Variants in MBOAT1 observed in about 807,000 individuals in gnomAD.
The protein encoded by MBOAT1 is membrane-bound glycerophospholipid O-acyltransferase 1.
MBOAT1 carries 67 observed loss-of-function variants against 64.4 expected under a neutral mutation model. The ratio of observed to expected loss-of-function variants is 1.04; its 90% CI spans 0.85 to 1.27. The LOEUF (loss-of-function observed/expected upper bound fraction) is 1.27, where lower values mean the gene tolerates loss of function less well. MBOAT1 is among the 50% of genes most tolerant of loss of function. The pLI, the probability that MBOAT1 is intolerant of heterozygous loss-of-function variation, is 0.00. For synonymous variants in MBOAT1, 229 were observed against 218.9 expected (o/e 1.05, Z -0.41); for missense variants, 563 against 604.6 (o/e 0.93, Z 0.72).
chr6:20,156,776 A>T (rs2113702971), intron 1 of MBOAT1, among the ~76,000 whole-genome samples: 1 of 152,278 alleles, frequency 6.6e-6, no homozygotes, highest in South Asian at 2.1e-4. Context: ...TGATTTTTGC[A>T]CATTGATTTT....
intron 1 of MBOAT1, among the ~76,000 whole-genome samples, chr6:20,204,594 C>T (rs551845470): frequency 8.5e-5 from 13 of 152,088 alleles, no homozygotes; most frequent in Admixed American, 1.3e-4. Flanking sequence ...AGAGGGAAGA[C>T]GAGGAGAGGA....
chr6:20,121,233 T>C (rs1760483907), intron 8 of MBOAT1, among the ~76,000 whole-genome samples: 2 of 152,236 alleles, frequency 1.3e-5, no homozygotes, highest in South Asian at 4.1e-4. Context: ...ACATCAATTA[T>C]ATGTAAATGG....
chr6:20,178,705 T>A (rs182159925), intron 1 of MBOAT1, among the ~76,000 whole-genome samples: 3 of 152,250 alleles, frequency 2.0e-5, no homozygotes, highest in Admixed American at 1.3e-4. Context: ...ATACTTCAAG[T>A]ACACCTGGAG....
intron 5 of MBOAT1, among the ~76,000 whole-genome samples, chr6:20,129,807 G>A (rs939689270): frequency 1.1e-4 from 16 of 152,160 alleles, no homozygotes; most frequent in African/African-American, 3.9e-4. Context: ...CTACCAAGGG[G>A]ACTTTCCAGC....
intron 1 of MBOAT1, among the ~76,000 whole-genome samples, chr6:20,205,255 G>A (rs1221675273): frequency 6.6e-6 from 1 of 152,074 alleles, no homozygotes; most frequent in Non-Finnish European, 1.5e-5. Flanking sequence ...GAAATTTAGG[G>A]AAAGAAGGAA....
intron 1 of MBOAT1, among the ~76,000 whole-genome samples, chr6:20,176,554 A>T (rs908645102): frequency 6.6e-6 from 1 of 152,182 alleles, no homozygotes; most frequent in African/African-American, 2.4e-5. Context: ...ATTAATACTG[A>T]TAACAGTGCT....
chr6:20,123,841 C>G (rs2483764), intron 8 of MBOAT1, among the ~76,000 whole-genome samples: 13,962 of 152,008 alleles, frequency 0.092, 722 homozygotes, highest in South Asian at 0.19. Flanking sequence ...CAGATCACGA[C>G]GTCAGGAGAT....
chr6:20,186,745 G>C (rs1233260142), intron 1 of MBOAT1, among the ~76,000 whole-genome samples: 1 of 152,216 alleles, frequency 6.6e-6, no homozygotes, highest in Non-Finnish European at 1.5e-5. Flanking sequence ...CTACGTGAGA[G>C]AGACAACGTG....
chr6:20,192,679 C>T (rs1047949506), intron 1 of MBOAT1, among the ~76,000 whole-genome samples: 9 of 152,200 alleles, frequency 5.9e-5, no homozygotes, highest in Non-Finnish European at 1.3e-4. Context: ...GCCTAAAGAG[C>T]GCACTAAAAC....
chr6:20,163,673 C>A (rs1383318801), intron 1 of MBOAT1, among the ~76,000 whole-genome samples: 1 of 152,150 alleles, frequency 6.6e-6, no homozygotes, highest in East Asian at 1.9e-4. Context: ...GAGCCCCGAG[C>A]CAGTACGTGA....
intron 12 of MBOAT1, among the ~76,000 whole-genome samples, chr6:20,106,118 C>T (rs1023735222): frequency 6.6e-6 from 1 of 152,098 alleles, no homozygotes; most frequent in African/African-American, 2.4e-5. Context: ...TGAATTTAGC[C>T]CAAGGGGAGG....
intron 1 of MBOAT1, among the ~76,000 whole-genome samples, chr6:20,189,126 T>C (rs947251351): frequency 1.3e-5 from 2 of 152,162 alleles, no homozygotes; most frequent in African/African-American, 4.8e-5. Flanking sequence ...CTGTAAACCA[T>C]GGACATTTTG....
chr6:20,155,097 T>G (rs1428254198), intron 1 of MBOAT1, among the ~76,000 whole-genome samples: 1 of 152,332 alleles, frequency 6.6e-6, no homozygotes, highest in East Asian at 1.9e-4. Context: ...TTGGCCAGAA[T>G]TATTGAGCAT....
intron 4 of MBOAT1, among the ~76,000 whole-genome samples, chr6:20,143,441 G>A (rs1182737197): frequency 6.6e-6 from 1 of 152,194 alleles, no homozygotes; most frequent in South Asian, 2.1e-4. Context: ...ACTCAAAGGG[G>A]TCAGGGTAGT....
intron 1 of MBOAT1, among the ~76,000 whole-genome samples, chr6:20,199,961 CTG>C (rs1461390952): frequency 1.4e-5 from 2 of 143,580 alleles, no homozygotes; most frequent in Admixed American, 6.8e-5. Context: ...GGGTAAGACT[CTG>C]TCTCAAAAAA....
intron 1 of MBOAT1, among the ~76,000 whole-genome samples, chr6:20,160,629 A>G (rs1465913319): frequency 6.6e-6 from 1 of 152,224 alleles, no homozygotes; most frequent in Non-Finnish European, 1.5e-5. Context: ...CTCCAAGGCA[A>G]AACCAATCAA....
At chr6:20,146,991 C>T (rs914437590) in intron 3 of MBOAT1, among the ~76,000 whole-genome samples, 2 of 152,122 alleles carry the variant, frequency 1.3e-5, no homozygotes, top group African/African-American at 4.8e-5. Context: ...GTAATTGAAT[C>T]ATGGGGGCGA....
intron 8 of MBOAT1, among the ~76,000 whole-genome samples, chr6:20,118,755 G>C (rs1760409154): frequency 6.6e-6 from 1 of 152,136 alleles, no homozygotes; most frequent in African/African-American, 2.4e-5. Flanking sequence ...TCATTCCCTT[G>C]CATTTAGGGA....
chr6:20,145,218 AC>A (rs1194081224), intron 3 of MBOAT1, among the ~76,000 whole-genome samples: 2 of 80,030 alleles, frequency 2.5e-5, no homozygotes, highest in Non-Finnish European at 5.5e-5. Context: ...TACAAAAGAG[AC>A]CCCAGAGAGC....
Sources: gnomAD v4.1 joint callset for allele counts (sites outside exome capture counted in the v4.1 genomes callset) on GRCh38, gnomAD v4.1.1 for gene constraint, MANE v1.5 for transcripts, NCBI Gene and HGNC (gene_info 2026-07-23, HGNC 2026-07-21) for gene names.